Variants in AUTS2 observed in about 807,000 individuals in gnomAD.
The protein encoded by AUTS2 is activator of transcription and developmental regulator AUTS2, also known as autism susceptibility gene 2 protein.
Under a neutral mutation model 112.4 loss-of-function variants are expected in AUTS2, and 17 were observed. The observed-to-expected ratio is 0.15, with a 90% CI of 0.10 to 0.23. AUTS2 has a LOEUF of 0.23. Ranked by LOEUF, AUTS2 falls within the 10% of genes least tolerant of loss-of-function variation. The probability of loss-of-function intolerance (pLI) is 1.00; values close to 1 mark genes in which losing one functional copy is unlikely to be tolerated. For missense variants in AUTS2, 1,510 were observed against 1,701.6 expected (o/e 0.89, Z 1.98); for synonymous variants, 751 against 702.7 (o/e 1.07, Z -1.09).
At chr7:70,078,515 T>C (rs984094421) in intron 2 of AUTS2, among the ~76,000 whole-genome samples, 4 of 152,212 alleles carry the variant, frequency 2.6e-5, no homozygotes, top group Admixed American at 6.5e-5. Flanking sequence ...TAAAGTTTCT[T>C]TGTTCATCAA....
rs1399743080 is a variant in AUTS2, at chr7:70,130,932, C to T, written c.625-3604C>T. On this transcript the variant is annotated intron_variant, in intron 3 of 18. Transcript: ENST00000342771. The stretch of plus-strand genomic sequence containing the variant: ...CCACTTGAAGAAATAAGAATGAAGC[C>T]CTTTTCAGCAAAAGTATTTGCCTAA... Among the ~76,000 whole-genome samples, 3 of 152,112 alleles carry T rather than the reference C, an allele frequency of 2.0e-5. No individual in the cohort carries two copies. In the East Asian group the frequency reaches 5.8e-4, roughly 29 times the overall value.
chr7:70,062,444 C>T (rs1802295094), intron 2 of AUTS2, among the ~76,000 whole-genome samples: 1 of 149,974 alleles, frequency 6.7e-6, no homozygotes, highest in Admixed American at 6.7e-5. Flanking sequence ...ACCCAGGAGG[C>T]AGAGGTTGCA....
At chr7:70,119,632 G>C (rs1805580737) in intron 3 of AUTS2, 1 of 152,204 alleles carries the variant, frequency 6.6e-6, no homozygotes, top group African/African-American at 2.4e-5. Flanking sequence ...AAAGTGCTGG[G>C]ATTAGAGCTG....
chr7:70,186,306 T>C (rs1335398453), intron 4 of AUTS2, among the ~76,000 whole-genome samples: 1 of 152,162 alleles, frequency 6.6e-6, no homozygotes, highest in African/African-American at 2.4e-5. Flanking sequence ...GCAGTTTTCA[T>C]TGGCTGATGA....
At chr7:70,082,933 G>A (rs1412846150) in intron 2 of AUTS2, among the ~76,000 whole-genome samples, 1 of 152,114 alleles carries the variant, frequency 6.6e-6, no homozygotes, top group Admixed American at 6.6e-5. Context: ...AGTACCTACT[G>A]TGTGACTTGG....
At chr7:70,078,034 C>G (rs916686142) in intron 2 of AUTS2, among the ~76,000 whole-genome samples, 3 of 152,110 alleles carry the variant, frequency 2.0e-5, no homozygotes, top group African/African-American at 7.2e-5. Flanking sequence ...GTATCCTGGC[C>G]TATTTATCAC....
intron 4 of AUTS2, 79 bp downstream of exon 4, chr7:70,134,650 G>T (rs1806455132): frequency 3.0e-6 from 4 of 1,317,728 alleles, no homozygotes; most frequent in Non-Finnish European, 4.3e-6. Flanking sequence ...ATTGGGATAT[G>T]AAAAAAAATC....
chr7:70,195,815 T>G (rs1265952867), intron 4 of AUTS2, among the ~76,000 whole-genome samples: 1 of 152,158 alleles, frequency 6.6e-6, no homozygotes, highest in African/African-American at 2.4e-5. Context: ...TAAAATACTC[T>G]CTGGGCAATC....
At chr7:70,554,859 C>T (rs1428866511) in intron 5 of AUTS2, among the ~76,000 whole-genome samples, 1 of 152,208 alleles carries the variant, frequency 6.6e-6, no homozygotes, top group Non-Finnish European at 1.5e-5. Context: ...TCAGCTGTCA[C>T]ATTGGACGGT....
At chr7:70,716,829 C>T (rs925367994) in intron 6 of AUTS2, among the ~76,000 whole-genome samples, 5 of 151,686 alleles carry the variant, frequency 3.3e-5, no homozygotes, top group Admixed American at 6.6e-5. Context: ...TAGATGTATT[C>T]GGTTACTTCG....
At chr7:70,026,618 G>A (rs1800535828) in intron 2 of AUTS2, among the ~76,000 whole-genome samples, 2 of 152,174 alleles carry the variant, frequency 1.3e-5, no homozygotes, top group Non-Finnish European at 2.9e-5. Context: ...TGTGAGTTTT[G>A]TCTCGACAAG....
At chr7:70,683,925 G>A (rs1018063815) in intron 5 of AUTS2, among the ~76,000 whole-genome samples, 1 of 152,184 alleles carries the variant, frequency 6.6e-6, no homozygotes, top group African/African-American at 2.4e-5. Context: ...TAAGGCCAGA[G>A]CAAGAGGGAA....
At chr7:69,970,437 T>C (rs1014375942) in intron 2 of AUTS2, among the ~76,000 whole-genome samples, 1 of 152,206 alleles carries the variant, frequency 6.6e-6, no homozygotes, top group Admixed American at 6.5e-5. Flanking sequence ...GTTAATTTCT[T>C]CTTCCTTAAC....
rs571714477 is a variant in AUTS2, at chr7:70,578,109, C to T, written c.691-120460C>T. ...CCTCTCAAAGTGCTGGGATTACAGG[C>T]GTGAGCCACCGCACCTGGCCTTTTG... On this transcript the variant is annotated intron_variant, in intron 5 of 18. Transcript: ENST00000342771. 1.2e-4 allele frequency among the ~76,000 whole-genome samples: 18 copies of T among 152,296 alleles called. No homozygotes were observed. In the South Asian group the frequency reaches 1.9e-3, roughly 16 times the overall value.
chr7:70,535,205 G>A (rs1800268951), intron 5 of AUTS2, among the ~76,000 whole-genome samples: 1 of 152,026 alleles, frequency 6.6e-6, no homozygotes, highest in African/African-American at 2.4e-5. Flanking sequence ...TACCTTATGG[G>A]ATTATTGGCA....
rs80294393 is a variant in AUTS2, at chr7:69,797,393, T to C, written c.310-101893T>C. ...TCCCGAATCTGATCTTGGGCTGCTGTGCTTTTCCAGTGCCCACTCAGTATT... is the reference window on the plus strand; with the variant it reads ...TCCCGAATCTGATCTTGGGCTGCTGCGCTTTTCCAGTGCCCACTCAGTATT... On this transcript the variant is annotated intron_variant, in intron 1 of 18. Transcript: ENST00000342771. Among the ~76,000 whole-genome samples the C allele has an allele frequency of 9.2e-3, 1,407 of 152,320 alleles. 23 individuals are homozygous for C. Among genetic ancestry groups the C allele is most frequent in the African/African-American group, 0.032 (1,335 of 41,564 alleles).
intron 2 of AUTS2, among the ~76,000 whole-genome samples, chr7:70,058,124 T>A (rs1563071095): frequency 6.6e-6 from 1 of 152,232 alleles, no homozygotes; most frequent in African/African-American, 2.4e-5. Context: ...AAGATTTTGC[T>A]GAAACTAGGC....
chr7:69,834,514 G>A (rs1791636751), intron 1 of AUTS2, among the ~76,000 whole-genome samples: 1 of 152,150 alleles, frequency 6.6e-6, no homozygotes, highest in Admixed American at 6.5e-5. Flanking sequence ...CTTTATTCTG[G>A]CTCTGTGAAA....
chr7:70,482,361 G>A (rs561139075), intron 5 of AUTS2, among the ~76,000 whole-genome samples: 1 of 152,248 alleles, frequency 6.6e-6, no homozygotes, highest in South Asian at 2.1e-4. Context: ...GAAAAGGTGG[G>A]GAGGATCCTA....
Sources: gnomAD v4.1 joint callset for allele counts (sites outside exome capture counted in the v4.1 genomes callset) on GRCh38, gnomAD v4.1.1 for gene constraint, MANE v1.5 for transcripts, NCBI Gene and HGNC (gene_info 2026-07-23, HGNC 2026-07-21) for gene names.